SMOX: variants seen among roughly 807,000 people sequenced by gnomAD.
SMOX encodes the protein flavin containing amine oxidase.
Under a neutral mutation model 51.0 loss-of-function variants are expected in SMOX, and 22 were observed. That is an observed-to-expected ratio of 0.43 (90% CI 0.31 to 0.62). The LOEUF is 0.62. Among genes scored for constraint, SMOX ranks in the 20% least tolerant of loss-of-function variants. SMOX has a pLI of 0.10. For synonymous variants in SMOX, 282 were observed against 307.8 expected (o/e 0.92, Z 0.88); for missense variants, 566 against 777.7 (o/e 0.73, Z 3.24).
rs1021301075 is a variant in SMOX, at chr20:4,149,484, C to A, written c.-27+507C>A. On this transcript the variant is annotated intron_variant, in intron 1 of 6. Coordinates refer to ENST00000305958, the MANE Select transcript of SMOX (RefSeq NM_175839.3). The surrounding 1 kb of genome is among the most constrained non-coding windows in gnomAD (Gnocchi z 6.0). ...CCAGGAGAGGCTGTGCTGACTTCCCCCTCTGGGCTCCGGGCGTCCGGGTGG... is the reference window on the plus strand; with the variant it reads ...CCAGGAGAGGCTGTGCTGACTTCCCACTCTGGGCTCCGGGCGTCCGGGTGG... Among the ~76,000 whole-genome samples, 26 of 151,922 alleles carry A rather than the reference C, an allele frequency of 1.7e-4. No homozygotes were observed. Among genetic ancestry groups the A allele is most frequent in the African/African-American group, 5.6e-4 (23 of 41,374 alleles).
chr20:4,161,706 G>C (rs905275944), intron 1 of SMOX, among the ~76,000 whole-genome samples: 1 of 152,204 alleles, frequency 6.6e-6, no homozygotes, highest in African/African-American at 2.4e-5. Flanking sequence ...TTAGTTTCCT[G>C]TCTCCCCGCC....
Position 4,181,894 on chromosome 20 carries a change from T to C in SMOX, c.527T>C (p.Val176Ala), listed in dbSNP as rs1369765812. 2 of 1,613,888 alleles carry C rather than the reference T, an allele frequency of 1.2e-6. No homozygotes were observed. Among genetic ancestry groups the C allele is most frequent in the Non-Finnish European group, 8.5e-7 (1 of 1,179,978 alleles). ...NSVGVFTREEVRNRIRNDPDD... is the reference protein window; with the variant it reads ...NSVGVFTREEARNRIRNDPDD... ...GTGGGGGTGTTCACCCGAGAGGAGG[T>C]GCGTAACCGCATCAGGAATGACCCT... is the stretch of plus-strand genomic sequence containing the variant. Residue 176 changes from valine to alanine, a missense_variant, in exon 4 of 7, where the codon GTG becomes GCG. Coordinates refer to ENST00000305958, the MANE Select transcript of SMOX (RefSeq NM_175839.3). The surrounding 1 kb of genome is among the most constrained non-coding windows in gnomAD (Gnocchi z 5.6).
chr20:4,157,793 G>A (rs1398680719), intron 1 of SMOX, among the ~76,000 whole-genome samples: 1 of 152,112 alleles, frequency 6.6e-6, no homozygotes, highest in South Asian at 2.1e-4. Flanking sequence ...AGACTCTCAG[G>A]GCAGTCAGTG....
Position 4,172,798 on chromosome 20 carries a change from TGGGTGGGTGGGAGGGG to T in SMOX, c.-26-2225_-26-2210del, listed in dbSNP as rs1458756950. On this transcript the variant is annotated intron_variant, in intron 1 of 6. Transcript: ENST00000305958. The surrounding 1 kb of genome is among the most constrained non-coding windows in gnomAD (Gnocchi z 7.7). ...TGGAGGGATTTTAGGGGCTGGAGGGTGGGTGGGTGGGAGGGGGGGTGGTGGAGGGAGGATTCCCGTC... is the reference window on the plus strand; with the variant it reads ...TGGAGGGATTTTAGGGGCTGGAGGGTGGGTGGTGGAGGGAGGATTCCCGTC... Among the ~76,000 whole-genome samples, 6 of 5,834 alleles carry T rather than the reference TGGGTGGGTGGGAGGGG, an allele frequency of 1.0e-3. No homozygotes were observed. The highest frequency in any genetic ancestry group is 6.9e-3 in the East Asian group (1 of 144). The allele number at this position is 5,834 out of a possible 152,430, so 3.8% of individuals were successfully genotyped here. A position where few individuals can be genotyped will look rare whatever the true frequency, so the allele number is the denominator to read the frequency against.
In SMOX at chr20:4,170,831, C is replaced by T. The variant is rs112461198; in HGVS notation, c.-26-4199C>T. Reference sequence around the variant, plus strand: ...GGTGGCTCTGGACAGCTGGGGGAGGCGGTGGCCTGCAGGCTGGAGAACTGG... The same window carrying T: ...GGTGGCTCTGGACAGCTGGGGGAGGTGGTGGCCTGCAGGCTGGAGAACTGG... On this transcript the variant is annotated intron_variant, in intron 1 of 6. Coordinates refer to ENST00000305958, the MANE Select transcript of SMOX (RefSeq NM_175839.3). This position sits in a 1 kb window ranked among gnomAD's most constrained non-coding sequence, Gnocchi z 4.6. Among the ~76,000 whole-genome samples the T allele has an allele frequency of 4.5e-4, 68 of 152,234 alleles. No homozygotes were observed. Among genetic ancestry groups the T allele is most frequent in the African/African-American group, 1.3e-3 (56 of 41,542 alleles).
At chr20:4,174,603 T>C (rs1281562572) in intron 1 of SMOX, among the ~76,000 whole-genome samples, 1 of 152,180 alleles carries the variant, frequency 6.6e-6, no homozygotes, top group Non-Finnish European at 1.5e-5. Context: ...CTCTCCTGAC[T>C]GTGGCCTTCT....
chr20:4,174,481 G>A (rs1978671396), intron 1 of SMOX, among the ~76,000 whole-genome samples: 1 of 152,048 alleles, frequency 6.6e-6, no homozygotes, highest in Non-Finnish European at 1.5e-5. Context: ...AGTATCTTGG[G>A]GTCCAGGCAA....
chr20:4,160,955 C>T (rs910954), intron 1 of SMOX, among the ~76,000 whole-genome samples: 38,931 of 152,174 alleles, frequency 0.26, 6,580 homozygotes, highest in Non-Finnish European at 0.37. Flanking sequence ...GGGGCTGGAG[C>T]TGAAGCACAG....
chr20:4,180,719 G>A (rs560558193), intron 3 of SMOX, among the ~76,000 whole-genome samples: 1 of 152,110 alleles, frequency 6.6e-6, no homozygotes, highest in Non-Finnish European at 1.5e-5. Context: ...ATTCCTGACT[G>A]CTTCTCCATC....
At position 4,187,132 on chromosome 20, in the gene SMOX, G is replaced by A; in HGVS notation, c.1531-138G>A. ...GATAGGATGGGCAGCTCTTCATCCT[G>A]TGGAAGCAGCAGCACCTGCGTCTCA... is the stretch of plus-strand genomic sequence containing the variant. On this transcript the variant is annotated intron_variant, in intron 6 of 6. Coordinates refer to ENST00000305958, the MANE Select transcript of SMOX (RefSeq NM_175839.3). This position sits in a 1 kb window ranked among gnomAD's most constrained non-coding sequence, Gnocchi z 4.8. The A allele has an allele frequency of 8.8e-7, 1 of 1,141,010 alleles. No homozygotes were observed. The highest frequency in any genetic ancestry group is 1.2e-6 in the Non-Finnish European group (1 of 825,164). 70.7% of individuals were successfully genotyped at this position (1,141,010 alleles called of 1,614,324 possible).
intron 1 of SMOX, chr20:4,171,901 G>A (rs1049685008): frequency 2.6e-5 from 4 of 152,312 alleles, no homozygotes; most frequent in South Asian, 2.1e-4. Flanking sequence ...GGTCACAAAG[G>A]AGCGGTGAGG....
intron 1 of SMOX, among the ~76,000 whole-genome samples, chr20:4,156,640 G>A (rs954326152): frequency 6.6e-6 from 1 of 152,210 alleles, no homozygotes; most frequent in Non-Finnish European, 1.5e-5. Flanking sequence ...CCAGCCCTGG[G>A]TTCTTGTGGC....
intron 1 of SMOX, among the ~76,000 whole-genome samples, chr20:4,174,729 C>G (rs915415559): frequency 6.6e-6 from 1 of 152,218 alleles, no homozygotes; most frequent in Non-Finnish European, 1.5e-5. Flanking sequence ...TTAAGATGGG[C>G]TCCCAGGTCT....
At chr20:4,168,788 C>T (rs60366886) in intron 1 of SMOX, among the ~76,000 whole-genome samples, 11,641 of 151,382 alleles carry the variant, frequency 0.077, 581 homozygotes, top group African/African-American at 0.13. Flanking sequence ...AGCTCCTGGC[C>T]TCAAGTGATC....
In SMOX at chr20:4,182,080, T is replaced by C. The variant is rs1255716816; in HGVS notation, c.610-9T>C. 4 of 1,585,838 alleles carry C rather than the reference T, an allele frequency of 2.5e-6. No homozygotes were observed. Among genetic ancestry groups the C allele is most frequent in the Non-Finnish European group, 3.4e-6 (4 of 1,163,436 alleles). ...CGGTCACCTGGCTTCTCCTTGGGTC[T>C]TCCCGCAGGTGGAGAGCTGTGAGAG... On this transcript the variant is annotated splice_polypyrimidine_tract_variant and intron_variant, in intron 4 of 6. Transcript: ENST00000305958. The surrounding 1 kb of genome is among the most constrained non-coding windows in gnomAD (Gnocchi z 8.4).
intron 1 of SMOX, among the ~76,000 whole-genome samples, chr20:4,158,319 A>G (rs1401560009): frequency 6.6e-6 from 1 of 152,108 alleles, no homozygotes; most frequent in Non-Finnish European, 1.5e-5. Context: ...ACCCAGCCCT[A>G]GCTCCCCTCT....
In SMOX at chr20:4,181,206, C is replaced by A. The variant is rs1262749801; in HGVS notation, c.436-597C>A. Among the ~76,000 whole-genome samples, 1 of 152,166 alleles carries A rather than the reference C, an allele frequency of 6.6e-6. No homozygotes were observed. The highest frequency in any genetic ancestry group is 1.5e-5 in the Non-Finnish European group (1 of 68,034). On this transcript the variant is annotated intron_variant, in intron 3 of 6. Transcript: ENST00000305958. This position sits in a 1 kb window ranked among gnomAD's most constrained non-coding sequence, Gnocchi z 5.6. The stretch of plus-strand genomic sequence containing the variant: ...CTCCTGAGACCCTGGCTTTTGTGTT[C>A]CTGTCTTCCCCACTGCGTCTCAGCT...
intron 3 of SMOX, among the ~76,000 whole-genome samples, chr20:4,178,937 T>C (rs1741324): frequency 0.52 from 79,235 of 151,886 alleles, 21,045 homozygotes; most frequent in African/African-American, 0.59. Context: ...CCCACCTTGG[T>C]CTCCCAAAGT....
At chr20:4,162,880 G>A (rs1986398089) in intron 1 of SMOX, among the ~76,000 whole-genome samples, 1 of 152,226 alleles carries the variant, frequency 6.6e-6, no homozygotes, top group African/African-American at 2.4e-5. Context: ...GACCTGCAGA[G>A]GGTGTTGAGA....
Sources: allele counts gnomAD v4.1 joint callset (sites outside exome capture counted in the v4.1 genomes callset), GRCh38; gene constraint gnomAD v4.1.1; non-coding constraint Gnocchi (gnomAD v3.1); transcripts MANE v1.5; gene names NCBI Gene and HGNC (gene_info 2026-07-23, HGNC 2026-07-21).